PCLO: variants seen among roughly 807,000 people sequenced by gnomAD.
PCLO encodes protein piccolo.
Under a neutral mutation model 427.5 loss-of-function variants are expected in PCLO, and 82 were observed. The observed-to-expected ratio is 0.19, with a 90% CI of 0.16 to 0.23. The LOEUF (loss-of-function observed/expected upper bound fraction) is 0.23, where lower values mean the gene tolerates loss of function less well. Ranked by LOEUF, PCLO falls within the 10% of genes least tolerant of loss-of-function variation. The pLI is 1.00. For missense variants in PCLO, 6,239 were observed against 6,115.9 expected (o/e 1.02, Z -0.67); for synonymous variants, 2,357 against 2,155.4 (o/e 1.09, Z -2.59).
At chr7:82,814,963 C>T (rs548886613) in intron 20 of PCLO, among the ~76,000 whole-genome samples, 23 of 152,028 alleles carry the variant, frequency 1.5e-4, no homozygotes, top group African/African-American at 5.5e-4. Context: ...GTCACCTTAA[C>T]AATTACATAT....
chr7:82,830,418 T>C (rs1165750530), intron 16 of PCLO, among the ~76,000 whole-genome samples: 1 of 151,992 alleles, frequency 6.6e-6, no homozygotes, highest in Non-Finnish European at 1.5e-5. Context: ...ATAGAAATAA[T>C]ACATATAAAT....
At chr7:82,964,757 T>C (rs1402952755) in intron 4 of PCLO, among the ~76,000 whole-genome samples, 1 of 152,100 alleles carries the variant, frequency 6.6e-6, no homozygotes, top group African/African-American at 2.4e-5. Context: ...GGAGACTATA[T>C]ATAGGCATCT....
intron 22 of PCLO, among the ~76,000 whole-genome samples, chr7:82,781,452 C>T (rs1790870972): frequency 6.8e-6 from 1 of 147,932 alleles, no homozygotes; most frequent in Admixed American, 6.8e-5. Context: ...CCCTTTGCCC[C>T]CCCACCCCCC....
chr7:82,945,321 C>T lies in PCLO; in HGVS notation c.11112+4155G>A, dbSNP rs549507731. Among the ~76,000 whole-genome samples the T allele has an allele frequency of 3.0e-4, 45 of 152,212 alleles. 2 individuals are homozygous for T. The South Asian group carries it at 8.7e-3, about 29-fold the overall frequency. The stretch of plus-strand genomic sequence containing the variant: ...AAAATACCCAAAACAAATAAAATAT[C>T]ATTCCATATTTGGCTGTGAGCAAAC... On this transcript the variant is annotated intron_variant, in intron 6 of 24. Transcript: ENST00000333891.
At chr7:83,044,329 C>T (rs1177341795) in intron 3 of PCLO, among the ~76,000 whole-genome samples, 2 of 152,092 alleles carry the variant, frequency 1.3e-5, no homozygotes, top group South Asian at 2.1e-4. Flanking sequence ...CCATATCATC[C>T]ATAAAGTGTG....
At chr7:83,014,937 T>C (rs569356885) in intron 3 of PCLO, among the ~76,000 whole-genome samples, 6 of 152,296 alleles carry the variant, frequency 3.9e-5, no homozygotes, top group Non-Finnish European at 5.9e-5. Context: ...GGAACACTTT[T>C]TGAGCAATTA....
intron 9 of PCLO, among the ~76,000 whole-genome samples, chr7:82,886,817 C>A (rs1281721808): frequency 1.3e-5 from 2 of 152,090 alleles, no homozygotes; most frequent in Non-Finnish European, 2.9e-5. Context: ...TAACAAGATT[C>A]AAACATCCCA....
At chr7:82,960,636 T>A (rs1035819646) in intron 4 of PCLO, among the ~76,000 whole-genome samples, 1 of 152,314 alleles carries the variant, frequency 6.6e-6, no homozygotes, top group East Asian at 1.9e-4. Context: ...AAAATGTGTA[T>A]GTAATTTTCA....
At chr7:82,867,534 G>C (rs1584074149) in intron 10 of PCLO, among the ~76,000 whole-genome samples, 1 of 152,256 alleles carries the variant, frequency 6.6e-6, no homozygotes, top group South Asian at 2.1e-4. Flanking sequence ...ATATTAAAAA[G>C]AGAGGTTAGC....
chr7:82,941,797 T>C (rs1334033563), intron 6 of PCLO, among the ~76,000 whole-genome samples: 1 of 152,208 alleles, frequency 6.6e-6, no homozygotes, highest in Admixed American at 6.5e-5. Context: ...ATAATCCTTT[T>C]AGTTGTTTAT....
intron 22 of PCLO, among the ~76,000 whole-genome samples, chr7:82,785,163 A>T (rs971881656): frequency 2.0e-5 from 3 of 152,094 alleles, no homozygotes; most frequent in African/African-American, 7.2e-5. Context: ...GTGGAAGACA[A>T]TTATTCCATG....
chr7:82,881,797 T>G lies in PCLO; in HGVS notation c.13529-2335A>C, dbSNP rs561118436. Among the ~76,000 whole-genome samples the G allele has an allele frequency of 2.6e-5, 4 of 152,136 alleles. No homozygotes were observed. In the South Asian group the frequency reaches 8.3e-4, roughly 32 times the overall value. On this transcript the variant is annotated intron_variant, in intron 9 of 24. Transcript: ENST00000333891. The stretch of plus-strand genomic sequence containing the variant: ...TAGCTGGGACTACTACATGCCACCA[T>G]GCCCACCTAATTTTTTTTTATTTTT...
chr7:82,759,414 C>G (rs1195882812), intron 24 of PCLO, among the ~76,000 whole-genome samples: 2 of 151,864 alleles, frequency 1.3e-5, no homozygotes, highest in Non-Finnish European at 2.9e-5. Context: ...AAAATTTGTA[C>G]TTCCAGATAT....
At chr7:83,144,384 G>C (rs377596326) in intron 2 of PCLO, among the ~76,000 whole-genome samples, 1 of 144,366 alleles carries the variant, frequency 6.9e-6, no homozygotes, top group South Asian at 2.3e-4. Flanking sequence ...TCACACCATT[G>C]CACTCCAGCC....
At chr7:83,100,188 A>G (rs900020190) in intron 3 of PCLO, among the ~76,000 whole-genome samples, 29 of 152,208 alleles carry the variant, frequency 1.9e-4, no homozygotes, top group Non-Finnish European at 3.1e-4. Flanking sequence ...GTGAAGAAAA[A>G]GCAACACTTA....
chr7:82,825,916 A>C (rs1243630536), intron 18 of PCLO, among the ~76,000 whole-genome samples: 1 of 148,726 alleles, frequency 6.7e-6, no homozygotes, highest in African/African-American at 2.4e-5. Flanking sequence ...TATAAACAAT[A>C]TGTGTATATA....
rs769426442 is a variant in PCLO, at chr7:83,154,828, C to T, written c.1813G>A (p.Ala605Thr). The change falls in exon 2 of 25, where the codon GCC (alanine) becomes ACC (threonine). Residue 605 changes from alanine (A) to threonine (T), a missense_variant. Ala to Thr is a moderately conservative substitution (Grantham distance 58). This residue lies in a region of PCLO where 4,677 missense variants were observed against 4,468.4 expected (regional missense o/e 1.05). Coordinates refer to ENST00000333891, the MANE Select transcript of PCLO (RefSeq NM_033026.6). ...TELLLHVPEK[A>T]NFNTCTECQT... is the part of the protein sequence containing the mutation. ...CACTCAGTGCATGTGTTAAAATTGGCCTTTTCTGGAACATGCAACAGAAGT... is the reference window on the plus strand; with the variant it reads ...CACTCAGTGCATGTGTTAAAATTGGTCTTTTCTGGAACATGCAACAGAAGT... 1 of 1,613,860 alleles carries T rather than the reference C, an allele frequency of 6.2e-7. No individual in the cohort carries two copies. Among genetic ancestry groups the T allele is most frequent in the Non-Finnish European group, 8.5e-7 (1 of 1,179,860 alleles).
intron 8 of PCLO, among the ~76,000 whole-genome samples, chr7:82,908,040 G>T (rs1288577446): frequency 6.6e-6 from 1 of 151,886 alleles, no homozygotes; most frequent in Non-Finnish European, 1.5e-5. Context: ...GATGATTAGG[G>T]GTTTATGTAA....
intron 4 of PCLO, among the ~76,000 whole-genome samples, chr7:82,964,533 T>C (rs920108839): frequency 1.3e-5 from 2 of 151,872 alleles, no homozygotes; most frequent in Non-Finnish European, 2.9e-5. Flanking sequence ...ACAAGGAAAA[T>C]CATCTGGACT....
Sources: gnomAD v4.1 joint callset for allele counts (sites outside exome capture counted in the v4.1 genomes callset) on GRCh38, gnomAD v4.1.1 for gene constraint, gnomAD v4.1.1 regional missense constraint, MANE v1.5 for transcripts, NCBI Gene and HGNC (gene_info 2026-07-23, HGNC 2026-07-21) for gene names.